Variants in RTN3 observed in about 807,000 individuals in gnomAD.
RTN3 encodes the protein reticulon 3.
Under a neutral mutation model 77.8 loss-of-function variants are expected in RTN3, and 49 were observed. That is an observed-to-expected ratio of 0.63 (90% confidence interval 0.50 to 0.80). The LOEUF (loss-of-function observed/expected upper bound fraction) is 0.80, where lower values mean the gene tolerates loss of function less well. RTN3 is among the 30% of genes least tolerant of loss of function. The pLI is 0.00. For synonymous variants in RTN3, 464 were observed against 446.9 expected, an observed-to-expected ratio of 1.04 and a Z score of -0.48; for missense variants, 1,236 against 1,211.9, an observed-to-expected ratio of 1.02 and a Z score of -0.29.
At position 63,688,348 on chromosome 11, in the gene RTN3, C is replaced by T. The variant is rs554804920; in HGVS notation, c.142+6570C>T. 1.3e-4 allele frequency among the ~76,000 whole-genome samples: 20 copies of T among 152,078 alleles called. No individual in the cohort carries two copies. In the East Asian group the frequency reaches 3.9e-3, roughly 29 times the overall value. On this transcript the variant is annotated intron_variant, in intron 1 of 8. Transcript: ENST00000377819. The stretch of plus-strand genomic sequence containing the variant: ...ATGCCATTCTCCTGCCTCAGCTTCC[C>T]AGTAGCTGGGACTACAGGTGCCCAC...
At chr11:63,752,392 C>T (rs755759205) in intron 4 of RTN3, 115 bp from the exon 5 acceptor site, 42 of 933,018 alleles carry the variant, frequency 4.5e-5, no homozygotes, top group Non-Finnish European at 6.4e-5. Context: ...CAAAAAAATG[C>T]TCCTACAGGT....
intron 3 of RTN3, among the ~76,000 whole-genome samples, chr11:63,727,827 A>G (rs1003309740): frequency 2.6e-5 from 4 of 152,148 alleles, no homozygotes; most frequent in African/African-American, 9.7e-5. Flanking sequence ...GAGGAAAGTG[A>G]GAGAGAGACT....
At chr11:63,738,049 CTT>C (rs1189435015) in intron 3 of RTN3, among the ~76,000 whole-genome samples, 3 of 152,186 alleles carry the variant, frequency 2.0e-5, no homozygotes, top group Non-Finnish European at 4.4e-5. Context: ...CCTGACGTCT[CTT>C]TTGCAACTCA....
chr11:63,747,733 A>G (rs1262898944), intron 3 of RTN3, among the ~76,000 whole-genome samples: 1 of 152,206 alleles, frequency 6.6e-6, no homozygotes, highest in Non-Finnish European at 1.5e-5. Context: ...TTTTATCGCA[A>G]ATAAGTCTTT....
At chr11:63,699,129 A>G (rs1942107692) in intron 1 of RTN3, among the ~76,000 whole-genome samples, 1 of 152,024 alleles carries the variant, frequency 6.6e-6, no homozygotes, top group Non-Finnish European at 1.5e-5. Flanking sequence ...AAAAATACAA[A>G]ACCCCTACTA....
chr11:63,716,432 A>G (rs2011401664), intron 2 of RTN3, among the ~76,000 whole-genome samples: 1 of 152,248 alleles, frequency 6.6e-6, no homozygotes, highest in Non-Finnish European at 1.5e-5. Context: ...TCCTGAGCCT[A>G]CTTAGGTCTC....
intron 4 of RTN3, among the ~76,000 whole-genome samples, chr11:63,751,035 A>G (rs2014078004): frequency 6.6e-6 from 1 of 151,386 alleles, no homozygotes; most frequent in African/African-American, 2.4e-5. Context: ...CCCGACCATA[A>G]TGTTTGTATT....
chr11:63,756,333 A>G (rs183150686), intron 8 of RTN3, among the ~76,000 whole-genome samples, 163 bp downstream of exon 8: 3 of 152,220 alleles, frequency 2.0e-5, no homozygotes, highest in Non-Finnish European at 2.9e-5. Flanking sequence ...AGCTGCTTCT[A>G]TAAAAAGGAA....
intron 1 of RTN3, among the ~76,000 whole-genome samples, chr11:63,683,935 T>TTTTC: frequency 7.4e-5 from 11 of 148,326 alleles, no homozygotes; most frequent in Admixed American, 1.3e-4. Context: ...TTCTCTTTTC[T>TTTTC]TTTCTTTCTT....
intron 3 of RTN3, among the ~76,000 whole-genome samples, chr11:63,741,663 G>C (rs567119802): frequency 6.6e-6 from 1 of 151,914 alleles, no homozygotes; most frequent in East Asian, 1.9e-4. Flanking sequence ...ACCATGCCCA[G>C]CTAACTTATG....
chr11:63,732,331 A>G (rs1287109936), intron 3 of RTN3, among the ~76,000 whole-genome samples: 4 of 151,938 alleles, frequency 2.6e-5, no homozygotes, highest in African/African-American at 4.8e-5. Context: ...ACGCACTATC[A>G]TACTTTATTA....
chr11:63,749,689 C>T (rs1360434209), intron 3 of RTN3, among the ~76,000 whole-genome samples: 1 of 152,112 alleles, frequency 6.6e-6, no homozygotes, highest in African/African-American at 2.4e-5. Context: ...CGTTTTGCCT[C>T]GTGAGTTATC....
At chr11:63,683,905 G>A (rs914468393) in intron 1 of RTN3, among the ~76,000 whole-genome samples, 4 of 148,916 alleles carry the variant, frequency 2.7e-5, no homozygotes, top group Non-Finnish European at 4.4e-5. Flanking sequence ...TAAATGCCGC[G>A]GTTTCCACTC....
At position 63,719,289 on chromosome 11, in the gene RTN3, G is replaced by T; in HGVS notation, c.787G>T (p.Asp263Tyr). Residue 263 changes from aspartate to tyrosine, a missense_variant, in exon 3 of 9, where the codon GAC becomes TAC. Physicochemically the swap from Asp to Tyr is radical, Grantham distance 160. This residue lies in a region of RTN3 where 1,056 missense variants were observed against 990.4 expected (regional missense o/e 1.07). Transcript: ENST00000377819. ...AGCAGCATTTGACAAAGAATTTAAA[G>T]ACTCATATAAGGAGAGCACAGATGA... ...DKAAFDKEFK[D>Y]SYKESTDDFG... 3 of 1,614,108 alleles carry T rather than the reference G, an allele frequency of 1.9e-6. No individual in the cohort carries two copies. The highest frequency in any genetic ancestry group is 1.7e-6 in the Non-Finnish European group (2 of 1,180,018).
chr11:63,700,661 T>A (rs1942194750), intron 1 of RTN3, among the ~76,000 whole-genome samples: 1 of 151,614 alleles, frequency 6.6e-6, no homozygotes, highest in South Asian at 2.1e-4. Flanking sequence ...TGGAGTGCAG[T>A]GGCATGATCT....
intron 1 of RTN3, among the ~76,000 whole-genome samples, chr11:63,693,506 G>A (rs1483486406): frequency 6.6e-6 from 1 of 152,012 alleles, no homozygotes; most frequent in Non-Finnish European, 1.5e-5. Context: ...GTATTGCATA[G>A]TTTTCACAGG....
At chr11:63,724,473 C>T (rs1229264070) in intron 3 of RTN3, among the ~76,000 whole-genome samples, 76 of 139,856 alleles carry the variant, frequency 5.4e-4, no homozygotes, top group Admixed American at 2.6e-3. Context: ...GTGAGCCACC[C>T]GTGCCCGGCC....
intron 2 of RTN3, among the ~76,000 whole-genome samples, chr11:63,710,011 G>A (rs1042406465): frequency 4.6e-5 from 7 of 152,060 alleles, no homozygotes; most frequent in Non-Finnish European, 1.0e-4. Context: ...TTTGATATAG[G>A]ATATAACATT....
chr11:63,721,021 C>A lies in RTN3; in HGVS notation c.2519C>A (p.Thr840Lys). ...AAGCATGTCCTAGCAAGACTTCTGA[C>A]AGACTTCTCAGGTAACCATTTATAT... ...VKKHVLARLL[T>K]DFSVHDLIFW... is the part of the protein sequence containing the mutation. The change falls in exon 3 of 9, where the codon ACA becomes AAA. Residue 840 changes from threonine to lysine, a missense_variant. Transcript: ENST00000377819. The A allele has an allele frequency of 6.3e-7, 1 of 1,594,416 alleles. No homozygotes were observed. The highest frequency in any genetic ancestry group is 8.6e-7 in the Non-Finnish European group (1 of 1,168,834).
Sources: gnomAD v4.1 joint callset for allele counts (sites outside exome capture counted in the v4.1 genomes callset) on GRCh38, gnomAD v4.1.1 for gene constraint, gnomAD v4.1.1 regional missense constraint, MANE v1.5 for transcripts, NCBI Gene and HGNC (gene_info 2026-07-23, HGNC 2026-07-21) for gene names.